Variants in ZNF704 observed in about 807,000 individuals in gnomAD.
ZNF704 encodes the protein glucocorticoid induced gene 1.
In ZNF704, 10 loss-of-function variants were observed where a neutral mutation model predicts 44.7. The ratio of observed to expected loss-of-function variants is 0.22; its 90% confidence interval spans 0.14 to 0.38. The LOEUF is 0.38. ZNF704 is among the 10% of genes least tolerant of loss of function. The probability of loss-of-function intolerance (pLI) is 1.00; values close to 1 mark genes in which losing one functional copy is unlikely to be tolerated. For missense variants in ZNF704, 390 were observed against 545.5 expected (o/e 0.71, Z 2.84); for synonymous variants, 211 against 207.6 (o/e 1.02, Z -0.14).
intron 2 of ZNF704, among the ~76,000 whole-genome samples, chr8:80,760,157 A>G (rs1326852353): frequency 1.3e-5 from 2 of 152,194 alleles, no homozygotes; most frequent in African/African-American, 2.4e-5. Flanking sequence ...ACTACGAGAG[A>G]ATAAGTTTGT....
chr8:80,883,610 G>A, the ZNF704 span, among the ~76,000 whole-genome samples: 2 of 152,180 alleles, frequency 1.3e-5, no homozygotes, highest in South Asian at 2.1e-4. Flanking sequence ...ACCTTCCAAG[G>A]GTCATTTTCT....
intron 2 of ZNF704, among the ~76,000 whole-genome samples, chr8:80,809,981 T>C (rs531810845): frequency 6.6e-6 from 1 of 152,322 alleles, no homozygotes; most frequent in Admixed American, 6.5e-5. Context: ...ATCCTTACTA[T>C]GCTCCCTACC....
chr8:80,831,615 G>C (rs140943939), intron 1 of ZNF704, among the ~76,000 whole-genome samples: 1 of 152,300 alleles, frequency 6.6e-6, no homozygotes, highest in African/African-American at 2.4e-5. Context: ...TGGTTAGAAG[G>C]ACAGAAATCA....
chr8:80,726,236 T>A (rs1284363801), intron 2 of ZNF704, among the ~76,000 whole-genome samples: 1 of 152,144 alleles, frequency 6.6e-6, no homozygotes, highest in East Asian at 1.9e-4. Flanking sequence ...AATTTGCAAT[T>A]TTTTTCTTAC....
At chr8:80,739,870 AC>A (rs749081649) in intron 2 of ZNF704, among the ~76,000 whole-genome samples, 21 of 152,168 alleles carry the variant, frequency 1.4e-4, no homozygotes, top group Non-Finnish European at 2.4e-4. Flanking sequence ...TGGAAGGCCC[AC>A]TGCCCCAGGG....
rs137882225 is a variant in ZNF704, at chr8:80,646,548, T to G, written c.1033-3419A>C. 2.3e-3 allele frequency among the ~76,000 whole-genome samples: 351 copies of G among 152,152 alleles called. 2 individuals are homozygous for G. Among genetic ancestry groups the G allele is most frequent in the African/African-American group, 8.2e-3 (339 of 41,514 alleles). Reference sequence around the variant, plus strand: ...AACCATTGTTGCCATGAGTTTGAACTATTCTATACCACTGGTCTTCATGCT... The same window carrying G: ...AACCATTGTTGCCATGAGTTTGAACGATTCTATACCACTGGTCTTCATGCT... On this transcript the variant is annotated intron_variant, in intron 7 of 8. Transcript: ENST00000327835.
Position 80,822,271 on chromosome 8 carries a change from C to A in ZNF704, c.-21-656G>T, listed in dbSNP as rs866520744. ...ATCTCCTAATGCTATCCCTTCCCCCCCGCCCCCAACCCATGACAGGCCCCG... is the reference window on the plus strand; with the variant it reads ...ATCTCCTAATGCTATCCCTTCCCCCACGCCCCCAACCCATGACAGGCCCCG... On this transcript the variant is annotated intron_variant, in intron 1 of 8. Transcript: ENST00000327835. Among the ~76,000 whole-genome samples the A allele has an allele frequency of 2.7e-5, 4 of 145,834 alleles. No homozygotes were observed. The East Asian group carries it at 7.7e-4, about 28-fold the overall frequency.
At chr8:80,805,823 T>C (rs1190636106) in intron 2 of ZNF704, among the ~76,000 whole-genome samples, 1 of 150,558 alleles carries the variant, frequency 6.6e-6, no homozygotes, top group African/African-American at 2.5e-5. Flanking sequence ...TTGTCCTCCC[T>C]CACCCTAGGA....
intron 1 of ZNF704, among the ~76,000 whole-genome samples, chr8:80,867,566 T>A (rs182619409): frequency 6.6e-6 from 1 of 152,282 alleles, no homozygotes; most frequent in East Asian, 1.9e-4. Context: ...GATTACTAGA[T>A]AATATCTGTT....
At chr8:80,708,688 G>A (rs951529715) in intron 2 of ZNF704, among the ~76,000 whole-genome samples, 4 of 152,124 alleles carry the variant, frequency 2.6e-5, no homozygotes, top group Admixed American at 2.6e-4. Flanking sequence ...GTTTATAGGC[G>A]CACTTACTGT....
intron 2 of ZNF704, among the ~76,000 whole-genome samples, chr8:80,718,581 T>C (rs1819111213): frequency 6.6e-6 from 1 of 152,140 alleles, no homozygotes; most frequent in South Asian, 2.1e-4. Context: ...CTGCCATTGT[T>C]ATGAGAAGAA....
intron 2 of ZNF704, among the ~76,000 whole-genome samples, chr8:80,771,442 A>T (rs544577294): frequency 1.3e-5 from 2 of 152,216 alleles, no homozygotes; most frequent in East Asian, 3.9e-4. Flanking sequence ...AATTAAGTAT[A>T]TATTTTTTCT....
intron 7 of ZNF704, among the ~76,000 whole-genome samples, chr8:80,653,286 C>G (rs1817953956): frequency 6.6e-6 from 1 of 152,078 alleles, no homozygotes; most frequent in African/African-American, 2.4e-5. Flanking sequence ...TCTCACCACT[C>G]CTATTCAACA....
chr8:80,833,191 C>G (rs889271013), intron 1 of ZNF704, among the ~76,000 whole-genome samples: 1 of 151,994 alleles, frequency 6.6e-6, no homozygotes, highest in African/African-American at 2.4e-5. Context: ...ACTAAAAATA[C>G]GAAAACAAAT....
At chr8:80,685,154 TA>T (rs1818515411) in intron 4 of ZNF704, among the ~76,000 whole-genome samples, 1 of 151,488 alleles carries the variant, frequency 6.6e-6, no homozygotes, top group Non-Finnish European at 1.5e-5. Context: ...AATAAAAAAA[TA>T]AAAAAATAAA....
chr8:80,827,332 G>C (rs1477678734), intron 1 of ZNF704, among the ~76,000 whole-genome samples: 1 of 152,098 alleles, frequency 6.6e-6, no homozygotes. Flanking sequence ...TTACTTCAAA[G>C]AGAATAAAAT....
At chr8:80,831,216 C>T (rs554687607) in intron 1 of ZNF704, among the ~76,000 whole-genome samples, 24 of 152,292 alleles carry the variant, frequency 1.6e-4, no homozygotes, top group African/African-American at 5.5e-4. Flanking sequence ...GTGTATTAAA[C>T]CCTAAACACT....
chr8:80,768,407 C>T (rs1053443579), intron 2 of ZNF704, among the ~76,000 whole-genome samples: 2 of 152,104 alleles, frequency 1.3e-5, no homozygotes, highest in African/African-American at 4.8e-5. Flanking sequence ...TGGACACTGG[C>T]AAGTTACTGT....
At chr8:80,677,149 T>C (rs1046780029) in intron 4 of ZNF704, among the ~76,000 whole-genome samples, 1 of 152,248 alleles carries the variant, frequency 6.6e-6, no homozygotes, top group African/African-American at 2.4e-5. Context: ...TCATACTGAA[T>C]ATAATAGTAA....
Sources: gnomAD v4.1 joint callset for allele counts (sites outside exome capture counted in the v4.1 genomes callset) on GRCh38, gnomAD v4.1.1 for gene constraint, MANE v1.5 for transcripts, NCBI Gene and HGNC (gene_info 2026-07-23, HGNC 2026-07-21) for gene names.